The following CREB3L4 variants were observed in gnomAD, a reference collection of about 807,000 sequenced individuals.
CREB3L4 encodes cyclic AMP-responsive element-binding protein 3-like protein 4.
CREB3L4 carries 28 observed loss-of-function variants against 37.0 expected under a neutral mutation model. That is an observed-to-expected ratio of 0.76 (90% CI 0.56 to 1.04). The LOEUF (loss-of-function observed/expected upper bound fraction) is 1.04, where lower values mean the gene tolerates loss of function less well. CREB3L4 is among the 50% of genes least tolerant of loss of function. CREB3L4 has a pLI of 0.00. For synonymous variants in CREB3L4, 175 were observed against 192.2 expected, an observed-to-expected ratio of 0.91 and a Z score of 0.74; for missense variants, 462 against 486.0, an observed-to-expected ratio of 0.95 and a Z score of 0.46.
chr1:153,971,020 G>T (rs1248544657), intron 4 of CREB3L4, among the ~76,000 whole-genome samples: 10 of 147,712 alleles, frequency 6.8e-5, no homozygotes, highest in Non-Finnish European at 1.3e-4. Context: ...TGGGATTACA[G>T]GCATGAGCCA....
chr1:153,973,728 G>A lies in CREB3L4; in HGVS notation c.994+12G>A. ...CCAGCCTCACGGAGGTGAGAGGCAA[G>A]GGCAGGGAGCAACCCCTGGCTGAGC... is the stretch of plus-strand genomic sequence containing the variant. On this transcript the variant is annotated intron_variant, in intron 9 of 9. Coordinates refer to ENST00000368607, the MANE Select transcript of CREB3L4 (RefSeq NM_001255978.2). 2 of 1,590,848 alleles carry A rather than the reference G, an allele frequency of 1.3e-6. No homozygotes were observed. The highest frequency in any genetic ancestry group is 1.7e-6 in the Non-Finnish European group (2 of 1,166,020).
At chr1:153,968,463 G>T (rs1258259986) in intron 1 of CREB3L4, 59 bp from the exon 2 acceptor site, 38 of 1,510,356 alleles carry the variant, frequency 2.5e-5, no homozygotes, top group Non-Finnish European at 2.9e-5. Flanking sequence ...AACTGTAGGG[G>T]GTAGTAAGCA....
chr1:153,972,275 C>T (rs984528667), intron 4 of CREB3L4, among the ~76,000 whole-genome samples: 1 of 152,154 alleles, frequency 6.6e-6, no homozygotes, highest in Non-Finnish European at 1.5e-5. Flanking sequence ...GAGCTCAGAC[C>T]CTAAGGGAGA....
At chr1:153,969,545 G>A in intron 4 of CREB3L4, 90 bp downstream of exon 4, 1 of 1,478,220 alleles carries the variant, frequency 6.8e-7, no homozygotes. Context: ...GGAAACTGAT[G>A]ATGAACTGCC....
chr1:153,971,925 C>T (rs1324226480), intron 4 of CREB3L4, among the ~76,000 whole-genome samples: 1 of 152,052 alleles, frequency 6.6e-6, no homozygotes, highest in Non-Finnish European at 1.5e-5. Flanking sequence ...CGGGTTCAAG[C>T]GATTCTCCTG....
intron 4 of CREB3L4, 40 bp from the exon 5 acceptor site, chr1:153,972,704 T>C: frequency 1.3e-6 from 2 of 1,542,636 alleles, no homozygotes; most frequent in Non-Finnish European, 1.8e-6. Flanking sequence ...GATGACCCCC[T>C]CCTCACTCCT....
rs572766238 is a variant in CREB3L4, at chr1:153,974,176, A to T, written c.*111A>T. The stretch of plus-strand genomic sequence containing the variant: ...TTAGGTGTCTGCCCTCAGGGGTCCA[A>T]ATCACTTCAGGACACCCCAAGAGAT... On this transcript the variant is annotated 3_prime_UTR_variant, in exon 10 of 10. Coordinates refer to ENST00000368607, the MANE Select transcript of CREB3L4 (RefSeq NM_001255978.2). 9.8e-7 allele frequency: 1 copy of T among 1,021,312 alleles called. No homozygotes were observed. The highest frequency in any genetic ancestry group is 1.4e-6 in the Non-Finnish European group (1 of 698,788). The allele number at this position is 1,021,312 out of a possible 1,614,324, so 63.3% of individuals were successfully genotyped here.
chr1:153,968,320 G>C (rs180971357), intron 1 of CREB3L4, 156 bp downstream of exon 1: 590 of 543,958 alleles, frequency 1.1e-3, no homozygotes, highest in Non-Finnish European at 1.7e-3. Context: ...GGTAATGCTT[G>C]GGGGGGGCCT....
At chr1:153,969,484 A>G (rs746324871) in intron 4 of CREB3L4, 29 bp downstream of exon 4, 1 of 1,610,034 alleles carries the variant, frequency 6.2e-7, no homozygotes, top group Admixed American at 1.7e-5. Context: ...CAGAACCACT[A>G]CTCCTTGATA....
intron 4 of CREB3L4, among the ~76,000 whole-genome samples, chr1:153,971,587 C>CTTTTTTTTTTTTTTTTTTTTTTTT (rs55930906): frequency 1.9e-5 from 2 of 107,514 alleles, no homozygotes; most frequent in African/African-American, 3.5e-5. Context: ...TTTTCTTTTT[C>CTTTTTTTTTTTTTTTTTTTTTTTT]TTTTTTTTTT....
rs1201374254 is a variant in CREB3L4 at position 153,973,469 on chromosome 1, C to T, written c.897+5C>T. On this transcript the variant is annotated splice_donor_5th_base_variant and intron_variant, in intron 8 of 9. Coordinates refer to ENST00000368607, the MANE Select transcript of CREB3L4 (RefSeq NM_001255978.2). ...CAGACCAGCACTTGTGTTTTGGTAC[C>T]ATTAGTCTATCTACTCCCATCTCCC... 2 of 1,612,832 alleles carry T rather than the reference C, an allele frequency of 1.2e-6. No homozygotes were observed. Among genetic ancestry groups the T allele is most frequent in the African/African-American group, 1.3e-5 (1 of 74,836 alleles).
intron 5 of CREB3L4, 42 bp downstream of exon 5, chr1:153,972,878 A>G (rs749923987): frequency 2.1e-5 from 34 of 1,604,370 alleles, no homozygotes; most frequent in Non-Finnish European, 2.9e-5. Flanking sequence ...CAGGGGCCTC[A>G]CCATGACCTC....
At chr1:153,970,990 G>T (rs577857400) in intron 4 of CREB3L4, among the ~76,000 whole-genome samples, 1 of 147,932 alleles carries the variant, frequency 6.8e-6, no homozygotes, top group Admixed American at 6.7e-5. Context: ...TGATCCGCCC[G>T]CCTCAGCCTC....
At chr1:153,973,109 G>A in intron 6 of CREB3L4, 31 bp downstream of exon 6, 2 of 1,612,860 alleles carry the variant, frequency 1.2e-6, no homozygotes, top group Non-Finnish European at 1.7e-6. Context: ...GCTTCTTGTG[G>A]GCCATGTCTG....
intron 4 of CREB3L4, among the ~76,000 whole-genome samples, chr1:153,970,423 C>A (rs1390789071): frequency 2.6e-5 from 4 of 152,162 alleles, no homozygotes; most frequent in Non-Finnish European, 5.9e-5. Flanking sequence ...TGGGACAGGC[C>A]ACCTGGGAAT....
Position 153,972,773 on chromosome 1 carries a change from T to C in CREB3L4, c.573T>C (p.Asp191=). Residue 191 remains aspartate, a synonymous_variant, in exon 5 of 10, where the codon GAT becomes GAC. Transcript: ENST00000368607. ...LLPCQTLFLT[D]EEKRLLGQEG... ...CCTGTCAAACCCTGTTCCTGACCGA[T>C]GAGGAGAAGCGTCTGCTGGGGCAGG... The C allele has an allele frequency of 6.2e-7, 1 of 1,613,938 alleles. No individual in the cohort carries two copies.
Position 153,972,732 on chromosome 1 carries a change from C to T in CREB3L4, c.544-12C>T, listed in dbSNP as rs374445619. ...TCACTCCTATTGCATCTTCTCCTGC[C>T]CCTACCCCCAGCTGCCCTGTCAAAC... On this transcript the variant is annotated splice_polypyrimidine_tract_variant and intron_variant, in intron 4 of 9. Coordinates refer to ENST00000368607, the MANE Select transcript of CREB3L4 (RefSeq NM_001255978.2). 1.2e-6 allele frequency: 2 copies of T among 1,610,834 alleles called. No individual in the cohort carries two copies. Among genetic ancestry groups the T allele is most frequent in the South Asian group, 1.1e-5 (1 of 90,842 alleles).
chr1:153,973,376 C>T lies in CREB3L4; in HGVS notation c.813-4C>T. Reference sequence around the variant, plus strand: ...ATACTAACTCTTCATTCCTCCTTTCCCAGCTCCTTGGTAGCTCAGCTCCGC... The same window carrying T: ...ATACTAACTCTTCATTCCTCCTTTCTCAGCTCCTTGGTAGCTCAGCTCCGC... On this transcript the variant is annotated splice_polypyrimidine_tract_variant and splice_region_variant and intron_variant, in intron 7 of 9. Coordinates refer to ENST00000368607, the MANE Select transcript of CREB3L4 (RefSeq NM_001255978.2). 1.9e-6 allele frequency: 3 copies of T among 1,614,050 alleles called. No individual in the cohort carries two copies. Among genetic ancestry groups the T allele is most frequent in the African/African-American group, 1.3e-5 (1 of 74,996 alleles).
chr1:153,970,738 T>TC (rs1436358634), intron 4 of CREB3L4, among the ~76,000 whole-genome samples: 1 of 128,058 alleles, frequency 7.8e-6, no homozygotes, highest in African/African-American at 2.9e-5. Flanking sequence ...CATCTTAGAA[T>TC]CTTTTTTTTT....
Sources: allele counts gnomAD v4.1 joint callset (sites outside exome capture counted in the v4.1 genomes callset), GRCh38; gene constraint gnomAD v4.1.1; transcripts MANE v1.5; gene names NCBI Gene and HGNC (gene_info 2026-07-23, HGNC 2026-07-21).